LCORL: variants seen among roughly 807,000 people sequenced by gnomAD.
The protein encoded by LCORL is ligand dependent nuclear receptor corepressor like.
In LCORL, 41 loss-of-function variants were observed where a neutral mutation model predicts 141.8. The ratio of observed to expected loss-of-function variants is 0.29; its 90% CI spans 0.23 to 0.38. LCORL has a LOEUF of 0.38. Among genes scored for constraint, LCORL ranks in the 10% least tolerant of loss-of-function variants. The probability of loss-of-function intolerance (pLI) is 1.00; values close to 1 mark genes in which losing one functional copy is unlikely to be tolerated. For missense variants in LCORL, 1,759 were observed against 2,035.0 expected, an observed-to-expected ratio of 0.86 and a Z score of 2.61; for synonymous variants, 618 against 694.1, an observed-to-expected ratio of 0.89 and a Z score of 1.72.
At position 17,962,969 on chromosome 4, in the gene LCORL, CACTG is replaced by C; in HGVS notation, c.297_300del (p.Ser100IlefsTer36). 1.3e-6 allele frequency: 2 copies of C among 1,545,628 alleles called. No individual in the cohort carries two copies. The highest frequency in any genetic ancestry group is 1.8e-6 in the Non-Finnish European group (2 of 1,138,636). ...GATAATTTCATAGCACTAAAACTTA[CACTG>C]ACTGCTTCTCTCTGTAGGTTACAAA... is the stretch of plus-strand genomic sequence containing the variant. On this transcript the variant is annotated frameshift_variant and splice_region_variant, in exon 3 of 8. Transcript: ENST00000635767. LOFTEE classifies it high-confidence loss of function.
chr4:17,886,330 T>C (rs1728265995), intron 5 of LCORL, among the ~76,000 whole-genome samples, 169 bp from the exon 6 acceptor site: 1 of 152,012 alleles, frequency 6.6e-6, no homozygotes, highest in Admixed American at 6.6e-5. Flanking sequence ...GGGAAGGCAC[T>C]ATATAGGAAA....
intron 7 of LCORL, among the ~76,000 whole-genome samples, chr4:17,849,214 G>A (rs1331101597): frequency 7.2e-5 from 11 of 152,332 alleles, no homozygotes; most frequent in East Asian, 5.8e-4. Flanking sequence ...ATCTGAGAAC[G>A]GGCAGACTGC....
chr4:17,916,756 T>C (rs115899330), intron 4 of LCORL, among the ~76,000 whole-genome samples: 6,731 of 149,774 alleles, frequency 0.045, 489 homozygotes, highest in African/African-American at 0.16. Context: ...GCAATTCTCA[T>C]GTCTCCATCT....
chr4:17,934,719 T>C (rs1736578662), intron 4 of LCORL, among the ~76,000 whole-genome samples: 2 of 152,204 alleles, frequency 1.3e-5, no homozygotes, highest in Admixed American at 1.3e-4. Context: ...AATTCTACAT[T>C]ATGGGTAAAT....
At position 17,996,689 on chromosome 4, in the gene LCORL, G is replaced by GA. The variant is rs550066847; in HGVS notation, c.155-23805dup. 1.2e-3 allele frequency among the ~76,000 whole-genome samples: 183 copies of GA among 150,386 alleles called. 1 individual carries two copies. The highest frequency in any genetic ancestry group is 3.9e-3 in the African/African-American group (162 of 41,072). On this transcript the variant is annotated intron_variant, in intron 1 of 7. Transcript: ENST00000635767. ...AGAGGCCTGACATATTTCATAAATT[G>GA]AAAAAAAAAGTTTTATAATTCCAAA...
chr4:17,907,707 C>A (rs183054216), intron 5 of LCORL, among the ~76,000 whole-genome samples: 1 of 151,980 alleles, frequency 6.6e-6, no homozygotes, highest in Non-Finnish European at 1.5e-5. Context: ...CACAGGGAAC[C>A]CCCCCACCGG....
intron 7 of LCORL, among the ~76,000 whole-genome samples, 179 bp downstream of exon 7, chr4:17,873,209 C>T (rs1363430763): frequency 3.3e-5 from 5 of 152,034 alleles, no homozygotes; most frequent in Non-Finnish European, 5.9e-5. Context: ...GGTGGGGAAG[C>T]GCACTGGTAC....
chr4:17,971,404 C>A (rs1715904536), intron 2 of LCORL, among the ~76,000 whole-genome samples: 1 of 151,384 alleles, frequency 6.6e-6, no homozygotes. Context: ...CTGCATATAT[C>A]CGAATTATAA....
At chr4:17,998,055 C>T (rs994748674) in intron 1 of LCORL, among the ~76,000 whole-genome samples, 1 of 152,108 alleles carries the variant, frequency 6.6e-6, no homozygotes, top group African/African-American at 2.4e-5. Flanking sequence ...ACAGTCTGTA[C>T]AGAACGTTAC....
intron 4 of LCORL, among the ~76,000 whole-genome samples, chr4:17,917,876 C>G (rs985309317): frequency 6.6e-6 from 1 of 152,194 alleles, no homozygotes; most frequent in African/African-American, 2.4e-5. Context: ...TCAGTAAGTA[C>G]AGCAAGCTAT....
chr4:17,859,800 T>G (rs1724790516), intron 7 of LCORL, among the ~76,000 whole-genome samples: 1 of 152,170 alleles, frequency 6.6e-6, no homozygotes, highest in East Asian at 1.9e-4. Flanking sequence ...CTGTAGCATT[T>G]CTATACACCA....
intron 1 of LCORL, among the ~76,000 whole-genome samples, chr4:18,015,696 T>C (rs553901735): frequency 1.3e-5 from 2 of 151,842 alleles, no homozygotes; most frequent in Non-Finnish European, 2.9e-5. Context: ...AATCTACTCT[T>C]ATGGGGTTTA....
At chr4:18,018,159 A>G (rs1724905888) in intron 1 of LCORL, among the ~76,000 whole-genome samples, 1 of 152,152 alleles carries the variant, frequency 6.6e-6, no homozygotes. Context: ...TTAAAAATAT[A>G]CAGGTGTATT....
rs143491135 is a variant in LCORL, at chr4:18,011,848, C to T, written c.154+9750G>A. On this transcript the variant is annotated intron_variant, in intron 1 of 7. Coordinates refer to ENST00000635767, the Ensembl canonical transcript of LCORL. ...CCTTTAGAGAAAAAGTTTGCCAATC[C>T]TTGCTTTCCCTCAATGTTTTGAAGC... Among the ~76,000 whole-genome samples, 491 of 152,304 alleles carry T rather than the reference C, an allele frequency of 3.2e-3. 2 individuals carry two copies. Among genetic ancestry groups the T allele is most frequent in the African/African-American group, 0.011 (446 of 41,546 alleles).
intron 7 of LCORL, among the ~76,000 whole-genome samples, chr4:17,864,398 TAG>T (rs1418410909): frequency 6.6e-6 from 1 of 152,140 alleles, no homozygotes; most frequent in African/African-American, 2.4e-5. Flanking sequence ...CTGATTTTTG[TAG>T]AGACAGAGTT....
At chr4:17,904,722 C>T (rs1731354163) in intron 5 of LCORL, among the ~76,000 whole-genome samples, 1 of 152,112 alleles carries the variant, frequency 6.6e-6, no homozygotes, top group South Asian at 2.1e-4. Flanking sequence ...AGCTTCTGGG[C>T]TTACTGATCT....
At chr4:17,887,817 G>A (rs1728501056) in intron 5 of LCORL, among the ~76,000 whole-genome samples, 1 of 152,108 alleles carries the variant, frequency 6.6e-6, no homozygotes, top group African/African-American at 2.4e-5. Context: ...GAAACCTGCT[G>A]GGAAAGTGCT....
intron 2 of LCORL, among the ~76,000 whole-genome samples, chr4:17,971,718 C>A (rs1488971469): frequency 6.6e-6 from 1 of 151,532 alleles, no homozygotes; most frequent in Non-Finnish European, 1.5e-5. Flanking sequence ...TAGATTTTAT[C>A]ATTAAAAATA....
chr4:17,874,537 A>C (rs1324117747), exon 7 of LCORL: 1 of 1,233,750 alleles, frequency 8.1e-7, no homozygotes, highest in Non-Finnish European at 1.0e-6. Flanking sequence ...TCAAGTTCTA[A>C]AAGACAAGTT....
Sources: allele counts gnomAD v4.1 joint callset (sites outside exome capture counted in the v4.1 genomes callset), GRCh38; gene constraint gnomAD v4.1.1; transcripts MANE v1.5; gene names NCBI Gene and HGNC (gene_info 2026-07-23, HGNC 2026-07-21).